NDP: variants seen among roughly 807,000 people sequenced by gnomAD.
NDP encodes the protein norrin.
NDP carries 2 observed loss-of-function variants against 8.4 expected under a neutral mutation model. The observed-to-expected ratio is 0.24, with a 90% confidence interval of 0.10 to 0.75. The LOEUF is 0.75. NDP is among the 30% of genes least tolerant of loss of function. The probability of loss-of-function intolerance (pLI) is 0.73; values close to 1 mark genes in which losing one functional copy is unlikely to be tolerated. For synonymous variants in NDP, 55 were observed against 45.6 expected, an observed-to-expected ratio of 1.21 and a Z score of -0.83; for missense variants, 81 against 110.1, an observed-to-expected ratio of 0.74 and a Z score of 1.18.
intron 2 of NDP, among the ~76,000 whole-genome samples, chrX:43,951,403 A>G (rs2035760975): frequency 9.0e-6 from 1 of 111,333 alleles, no homozygotes; most frequent in Non-Finnish European, 1.9e-5. Context: ...TGACAGAGCA[A>G]GGCCCTGTCT....
chrX:43,963,872 G>A (rs1176231395), intron 1 of NDP, among the ~76,000 whole-genome samples: 1 of 112,705 alleles, frequency 8.9e-6, no homozygotes, highest in Non-Finnish European at 1.9e-5. Flanking sequence ...TTCCTAGCTG[G>A]CAGCACATCA....
At chrX:43,961,257 G>A (rs1335550505) in intron 1 of NDP, among the ~76,000 whole-genome samples, 1 of 112,585 alleles carries the variant, frequency 8.9e-6, no homozygotes, top group Non-Finnish European at 1.9e-5. Flanking sequence ...GGCCAATCTG[G>A]CAATACCTTT....
intron 1 of NDP, among the ~76,000 whole-genome samples, chrX:43,963,865 C>G (rs1316432846): frequency 1.8e-5 from 2 of 112,634 alleles, no homozygotes; most frequent in African/African-American, 6.5e-5. Context: ...TTTAATATTC[C>G]TAGCTGGCAG....
At position 43,949,027 on chromosome X, in the gene NDP, A is replaced by G; in HGVS notation, c.*772T>C. The stretch of plus-strand genomic sequence containing the variant: ...AGTATGGTGCATTCTCCATGCCACT[A>G]GTACATATATGCCTTTTCCAGAGTC... On this transcript the variant is annotated 3_prime_UTR_variant, in exon 3 of 3. Coordinates refer to ENST00000642620, the MANE Select transcript of NDP (RefSeq NM_000266.4). The G allele has an allele frequency of 8.9e-6, 1 of 112,461 alleles. No homozygotes were observed. Among genetic ancestry groups the G allele is most frequent in the Middle Eastern group, 4.6e-3 (1 of 217 alleles). The allele number at this position is 112,461 out of a possible 1,213,427, so 9.3% of individuals were successfully genotyped here.
intron 1 of NDP, among the ~76,000 whole-genome samples, chrX:43,970,600 A>C (rs770521787): frequency 1.8e-5 from 2 of 111,423 alleles, no homozygotes; most frequent in Non-Finnish European, 3.8e-5. Context: ...GCTATGATGG[A>C]GACCTGGGTT....
intron 1 of NDP, among the ~76,000 whole-genome samples, chrX:43,964,542 A>G (rs1190132055): frequency 3.6e-5 from 4 of 111,184 alleles, no homozygotes; most frequent in Non-Finnish European, 7.5e-5. Context: ...CAGGAACTCC[A>G]GAAAAACATC....
intron 1 of NDP, among the ~76,000 whole-genome samples, chrX:43,963,055 G>T (rs1434255530): frequency 8.9e-6 from 1 of 112,224 alleles, no homozygotes; most frequent in African/African-American, 3.2e-5. Flanking sequence ...AGTGGTATGT[G>T]CCAAGAATGG....
intron 2 of NDP, among the ~76,000 whole-genome samples, chrX:43,956,917 G>A (rs903192349): frequency 6.3e-5 from 7 of 111,568 alleles, no homozygotes; most frequent in Admixed American, 1.9e-4. Flanking sequence ...TTTGACCTTC[G>A]CTAGATTAAT....
intron 2 of NDP, among the ~76,000 whole-genome samples, chrX:43,950,958 C>G (rs751157208): frequency 1.2e-4 from 13 of 111,202 alleles, no homozygotes; most frequent in Middle Eastern, 4.2e-3. Context: ...TCCTGGTATC[C>G]TGGGAGTGGG....
At chrX:43,958,385 T>A in intron 2 of NDP, 87 bp downstream of exon 2, 6 of 1,074,872 alleles carry the variant, frequency 5.6e-6, no homozygotes, top group African/African-American at 1.8e-5. Flanking sequence ...TGGGCTATGA[T>A]CTTAGTTCTC....
intron 1 of NDP, among the ~76,000 whole-genome samples, chrX:43,961,249 C>G (rs1436516386): frequency 2.7e-5 from 3 of 112,535 alleles, no homozygotes; most frequent in Admixed American, 1.9e-4. Flanking sequence ...TCTGTAGAGG[C>G]CAATCTGGCA....
chrX:43,963,950 C>T (rs755686795), intron 1 of NDP, among the ~76,000 whole-genome samples: 1 of 112,655 alleles, frequency 8.9e-6, no homozygotes, highest in African/African-American at 3.2e-5. Flanking sequence ...TGCTGCTAGG[C>T]CTCCAGCCTG....
chrX:43,968,032 AT>A (rs1359918107), intron 1 of NDP, among the ~76,000 whole-genome samples: 1 of 111,823 alleles, frequency 8.9e-6, no homozygotes, highest in East Asian at 2.8e-4. Context: ...TTATGTCCAG[AT>A]TTTGCCATGA....
Position 43,953,116 on chromosome X carries a change from T to C in NDP, c.175-3090A>G, listed in dbSNP as rs758512154. ...AGACTATGAAGCAATTATTGAACCATTGATGTTCTCAACACACACACACAC... is the reference window on the plus strand; with the variant it reads ...AGACTATGAAGCAATTATTGAACCACTGATGTTCTCAACACACACACACAC... On this transcript the variant is annotated intron_variant, in intron 2 of 2. Coordinates refer to ENST00000642620, the MANE Select transcript of NDP (RefSeq NM_000266.4). Among the ~76,000 whole-genome samples the C allele has an allele frequency of 1.4e-3, 110 of 76,274 alleles. 3 individuals carry two copies. The highest frequency in any genetic ancestry group is 1.3e-3 in the Admixed American group (10 of 7,499). 66.2% of individuals were successfully genotyped at this position (76,274 alleles called of 115,157 possible).
rs762545618 is a variant in NDP, at chrX:43,952,589, G to A, written c.175-2563C>T. Reference sequence around the variant, plus strand: ...TCCATAAAATGACCAAGTCAACAGCGTAGGGCCATTTGTAAATGAGCTCAT... The same window carrying A: ...TCCATAAAATGACCAAGTCAACAGCATAGGGCCATTTGTAAATGAGCTCAT... On this transcript the variant is annotated intron_variant, in intron 2 of 2. Coordinates refer to ENST00000642620, the MANE Select transcript of NDP (RefSeq NM_000266.4). 3.0e-4 allele frequency among the ~76,000 whole-genome samples: 34 copies of A among 111,730 alleles called. No individual in the cohort carries two copies. The South Asian group carries it at 6.5e-3, about 21-fold the overall frequency.
chrX:43,962,923 G>A (rs746606466), intron 1 of NDP, among the ~76,000 whole-genome samples: 3 of 112,159 alleles, frequency 2.7e-5, no homozygotes, highest in South Asian at 7.4e-4. Context: ...AGCTTACAGC[G>A]GGCCCAGCCT....
At chrX:43,961,268 T>G (rs772656207) in intron 1 of NDP, among the ~76,000 whole-genome samples, 2 of 112,783 alleles carry the variant, frequency 1.8e-5, no homozygotes, top group African/African-American at 6.4e-5. Context: ...CAATACCTTT[T>G]AAAAATGCAA....
intron 1 of NDP, among the ~76,000 whole-genome samples, chrX:43,963,964 A>T (rs1450977239): frequency 8.9e-6 from 1 of 112,340 alleles, no homozygotes; most frequent in Admixed American, 9.4e-5. Context: ...CAGCCTGCCA[A>T]CTCCAGGTAT....
At position 43,949,832 on chromosome X, in the gene NDP, G is replaced by A; in HGVS notation, c.369C>T (p.Ile123=). 1 of 1,184,957 alleles carries A rather than the reference G, an allele frequency of 8.4e-7. No homozygotes were observed. The highest frequency in any genetic ancestry group is 1.1e-6 in the Non-Finnish European group (1 of 881,879). The change falls in exon 3 of 3, where the codon ATC becomes ATT. Residue 123 remains isoleucine, a synonymous_variant. Transcript: ENST00000642620. ...GMRLTATYRY[I]LSCHCEECNS ...TGCATTCCTCGCAGTGACAGGAGAG[G>A]ATGTACCGGTAGGTGGCAGTGAGTC...
Sources: gnomAD v4.1 joint callset for allele counts (sites outside exome capture counted in the v4.1 genomes callset) on GRCh38, gnomAD v4.1.1 for gene constraint, MANE v1.5 for transcripts, NCBI Gene and HGNC (gene_info 2026-07-23, HGNC 2026-07-21) for gene names.